The following COPS7B variants were observed in gnomAD, a reference collection of about 807,000 sequenced individuals.
COPS7B encodes COP9 signalosome subunit 7B, also known as COP9 signalosome complex subunit 7b.
A neutral mutation model predicts 33.4 loss-of-function variants in COPS7B; 9 were observed. That is an observed-to-expected ratio of 0.27 (90% CI 0.16 to 0.47). The LOEUF is 0.47. Among genes scored for constraint, COPS7B ranks in the 20% least tolerant of loss-of-function variants. COPS7B has a pLI of 0.99. For missense variants in COPS7B, 242 were observed against 318.2 expected, an observed-to-expected ratio of 0.76 and a Z score of 1.82; for synonymous variants, 119 against 126.3, an observed-to-expected ratio of 0.94 and a Z score of 0.39.
rs774195698 is a variant in COPS7B at position 231,791,719 on chromosome 2, T to G, written c.163-14T>G. 6.2e-7 allele frequency: 1 copy of G among 1,613,990 alleles called. No individual in the cohort carries two copies. Among genetic ancestry groups the G allele is most frequent in the East Asian group, 2.2e-5 (1 of 44,886 alleles). ...ACAGTTTGGTCTGTGGTGAACTTTT[T>G]TTTTCCTCTTCAGCTTGCGGAAGGA... On this transcript the variant is annotated splice_polypyrimidine_tract_variant and intron_variant, in intron 2 of 6. Transcript: ENST00000350033.
At chr2:231,804,108 CAT>C (rs952777122) in intron 6 of COPS7B, among the ~76,000 whole-genome samples, 7 of 152,160 alleles carry the variant, frequency 4.6e-5, no homozygotes, top group Non-Finnish European at 1.0e-4. Context: ...GCTACAAAAA[CAT>C]AGGTGAAGCG....
intron 6 of COPS7B, among the ~76,000 whole-genome samples, chr2:231,799,666 AATTT>A (rs1237499594): frequency 1.3e-5 from 2 of 152,150 alleles, no homozygotes; most frequent in Admixed American, 1.3e-4. Flanking sequence ...CTCACTTCAC[AATTT>A]ATTTGGAGCC....
At position 231,808,798 on chromosome 2, in the gene COPS7B, G is replaced by GGTGTGTGTGTGTGTGTGTGTGTGT. The variant is rs543816090; in HGVS notation, c.*1174_*1197dup. 1.3e-5 allele frequency: 1 copy of GGTGTGTGTGTGTGTGTGTGTGTGT among 75,804 alleles called. No individual in the cohort carries two copies. Among genetic ancestry groups the GGTGTGTGTGTGTGTGTGTGTGTGT allele is most frequent in the African/African-American group, 6.0e-5 (1 of 16,754 alleles). The allele number at this position is 75,804 out of a possible 1,614,324, so 4.7% of individuals were successfully genotyped here. ...TGGTTGGAGGGTGGGGGTGGGGTGGGGTGTGTGTGTGTGTGTGTGTGTGTG... is the reference window on the plus strand; with the variant it reads ...TGGTTGGAGGGTGGGGGTGGGGTGGGGTGTGTGTGTGTGTGTGTGTGTGTGTGTGTGTGTGTGTGTGTGTGTGTG... On this transcript the variant is annotated 3_prime_UTR_variant, in exon 7 of 7. Transcript: ENST00000350033.
chr2:231,794,781 A>G (rs1002313901), intron 4 of COPS7B, among the ~76,000 whole-genome samples: 4 of 152,134 alleles, frequency 2.6e-5, no homozygotes, highest in African/African-American at 9.7e-5. Context: ...GTTGAGACGG[A>G]GTCTCACTCT....
At chr2:231,781,806 T>C, upstream of COPS7B, 3 of 1,550,122 alleles carry the variant, frequency 1.9e-6, no homozygotes, top group Non-Finnish European at 2.6e-6. Context: ...GGAAGACCCT[T>C]CTCACCCTCA....
chr2:231,790,723 C>T (rs1347986753), intron 2 of COPS7B: 3 of 148,862 alleles, frequency 2.0e-5, no homozygotes, highest in African/African-American at 7.4e-5. Flanking sequence ...AACAGGAGCA[C>T]GTTTGTGATT....
At chr2:231,805,446 TTATA>T (rs67709919) in intron 6 of COPS7B, among the ~76,000 whole-genome samples, 57 of 138,696 alleles carry the variant, frequency 4.1e-4, no homozygotes, top group African/African-American at 8.3e-4. Flanking sequence ...TTTTTAAATT[TTATA>T]TATATATATA....
chr2:231,795,901 G>C (rs552275128), intron 4 of COPS7B, among the ~76,000 whole-genome samples: 4 of 152,222 alleles, frequency 2.6e-5, no homozygotes, highest in Non-Finnish European at 4.4e-5. Context: ...AGGAGGCAGA[G>C]AACCAGGAGG....
upstream of COPS7B, chr2:231,786,331 C>T (rs2049239455): frequency 3.4e-6 from 2 of 582,870 alleles, no homozygotes; most frequent in Admixed American, 6.3e-5. Flanking sequence ...CACCGGAGGT[C>T]GAAGGCTGTA....
At position 231,796,392 on chromosome 2, in the gene COPS7B, G is replaced by A. The variant is rs999260003; in HGVS notation, c.530+84G>A. ...AATGTGATTCCCTGGTGTCAGCTGA[G>A]GGTTTGGGGTGGGCCTGTAGCTACC... is the stretch of plus-strand genomic sequence containing the variant. On this transcript the variant is annotated intron_variant, in intron 5 of 6. Coordinates refer to ENST00000350033, the MANE Select transcript of COPS7B (RefSeq NM_022730.4). 3.0e-6 allele frequency: 4 copies of A among 1,316,798 alleles called. No individual in the cohort carries two copies. The Admixed American group carries it at 7.6e-5, about 25-fold the overall frequency. 81.6% of individuals were successfully genotyped at this position (1,316,798 alleles called of 1,614,324 possible).
At chr2:231,786,404 G>A, upstream of COPS7B, 1 of 978,198 alleles carries the variant, frequency 1.0e-6, no homozygotes, top group Non-Finnish European at 1.2e-6. Context: ...GCTTCCGGGG[G>A]AGCTGCACGG....
At chr2:231,784,324 AG>A (rs556456396), upstream of COPS7B, among the ~76,000 whole-genome samples, 13 of 151,238 alleles carry the variant, frequency 8.6e-5, no homozygotes, top group Non-Finnish European at 1.9e-4. Context: ...AAAAAAAAAA[AG>A]GAATAAATTT....
upstream of COPS7B, chr2:231,786,358 C>G: frequency 1.2e-6 from 1 of 829,754 alleles, no homozygotes; most frequent in Non-Finnish European, 1.5e-6. Flanking sequence ...GCGGGTGGAA[C>G]CTTGTGTGGG....
At position 231,801,208 on chromosome 2, in the gene COPS7B, G is replaced by A. The variant is rs78779689; in HGVS notation, c.636+2244G>A. 1,913 of 1,550,466 alleles carry A rather than the reference G, an allele frequency of 1.2e-3. 24 individuals are homozygous for A. The African/African-American group carries it at 0.023, about 19-fold the overall frequency. ...ATCTTATAACAACAGCTTTCTTCTG[G>A]TGAGTTGTAGCTTTAAGAGCCCTCC... is the stretch of plus-strand genomic sequence containing the variant. On this transcript the variant is annotated intron_variant, in intron 6 of 6. Transcript: ENST00000350033.
chr2:231,792,172 G>A, intron 3 of COPS7B: 1 of 458,224 alleles, frequency 2.2e-6, no homozygotes, highest in East Asian at 6.8e-5. Flanking sequence ...GCATATTGAA[G>A]AAAATTTGGA....
chr2:231,807,476 C>A lies in COPS7B; in HGVS notation c.637-11C>A, dbSNP rs147225626. The A allele has an allele frequency of 7.2e-5, 115 of 1,607,136 alleles. No homozygotes were observed. The highest frequency in any genetic ancestry group is 9.2e-5 in the Non-Finnish European group (108 of 1,176,336). On this transcript the variant is annotated splice_polypyrimidine_tract_variant and intron_variant, in intron 6 of 6. Coordinates refer to ENST00000350033, the MANE Select transcript of COPS7B (RefSeq NM_022730.4). ...CAGGCTGAGCACTCCAATTCTATAT[C>A]TCCCCACCAGGTTACCAACATCAAG...
chr2:231,791,076 C>G (rs1184355127), intron 2 of COPS7B: 1 of 154,610 alleles, frequency 6.5e-6, no homozygotes, highest in East Asian at 1.9e-4. Context: ...ACAACAACAA[C>G]CAGTTAACGT....
In COPS7B at chr2:231,788,854, G is replaced by T. The variant is rs867064761; in HGVS notation, c.162+122G>T. The T allele has an allele frequency of 9.7e-6, 8 of 826,794 alleles. No homozygotes were observed. The Middle Eastern group carries it at 1.5e-3, about 157-fold the overall frequency. 51.2% of individuals were successfully genotyped at this position (826,794 alleles called of 1,614,324 possible). Reference sequence around the variant, plus strand: ...AGGTACCCTATTGTGAGACAGATGGGAATTGGTGGGGCAGAGGGAGAGATT... The same window carrying T: ...AGGTACCCTATTGTGAGACAGATGGTAATTGGTGGGGCAGAGGGAGAGATT... On this transcript the variant is annotated intron_variant, in intron 2 of 6. Transcript: ENST00000350033.
At chr2:231,796,696 G>C (rs1198152943) in intron 5 of COPS7B, among the ~76,000 whole-genome samples, 1 of 152,092 alleles carries the variant, frequency 6.6e-6, no homozygotes, top group East Asian at 1.9e-4. Context: ...TTCTTTCTTT[G>C]TTTTTATTAT....
Sources: allele counts gnomAD v4.1 joint callset (sites outside exome capture counted in the v4.1 genomes callset), GRCh38; gene constraint gnomAD v4.1.1; transcripts MANE v1.5; gene names NCBI Gene and HGNC (gene_info 2026-07-23, HGNC 2026-07-21).